PITPNB: variants seen among roughly 807,000 people sequenced by gnomAD.
PITPNB encodes the protein phosphatidylinositol transfer protein beta isoform.
A neutral mutation model predicts 45.9 loss-of-function variants in PITPNB; 16 were observed. The observed-to-expected ratio is 0.35, with a 90% confidence interval of 0.24 to 0.53. PITPNB has a LOEUF of 0.53. Among genes scored for constraint, PITPNB ranks in the 20% least tolerant of loss-of-function variants. The probability of loss-of-function intolerance (pLI) is 0.93; values close to 1 mark genes in which losing one functional copy is unlikely to be tolerated. For missense variants in PITPNB, 188 were observed against 330.5 expected (o/e 0.57, Z 3.34); for synonymous variants, 112 against 108.9 (o/e 1.03, Z -0.18).
chr22:27,860,526 T>C (rs1264293430), intron 8 of PITPNB: 1 of 240,094 alleles, frequency 4.2e-6, no homozygotes, highest in African/African-American at 2.2e-5. Context: ...AATACCAAAT[T>C]CTATTCACAT....
At chr22:27,914,296 G>T in intron 2 of PITPNB, 21 bp downstream of exon 2, 1 of 1,540,498 alleles carries the variant, frequency 6.5e-7, no homozygotes, top group South Asian at 1.1e-5. Flanking sequence ...ATAAAATGAT[G>T]CAGAAGCAAG....
intron 5 of PITPNB, 82 bp from the exon 6 acceptor site, chr22:27,896,708 T>C (rs1367399731): frequency 8.3e-6 from 7 of 842,126 alleles, no homozygotes; most frequent in Admixed American, 1.9e-5. Context: ...TTTCCCAGTA[T>C]AGGCATCCAT....
intron 7 of PITPNB, among the ~76,000 whole-genome samples, chr22:27,884,585 T>C (rs1935063730): frequency 6.6e-6 from 1 of 152,204 alleles, no homozygotes; most frequent in South Asian, 2.1e-4. Context: ...TGAAAAGCCA[T>C]GGTCTTGGCA....
intron 8 of PITPNB, among the ~76,000 whole-genome samples, chr22:27,867,144 A>C (rs146223893): frequency 1.0e-3 from 153 of 152,316 alleles, no homozygotes; most frequent in Admixed American, 5.5e-3. Context: ...AAATACTTAC[A>C]AGCCCCTACT....
intron 2 of PITPNB, 61 bp downstream of exon 2, chr22:27,914,256 G>T: frequency 2.0e-6 from 2 of 997,962 alleles, no homozygotes; most frequent in African/African-American, 1.6e-5. Context: ...TGAGTTTAGA[G>T]TAACATATCA....
intron 4 of PITPNB, among the ~76,000 whole-genome samples, chr22:27,897,542 C>A (rs949119875): frequency 6.6e-6 from 1 of 152,160 alleles, no homozygotes; most frequent in Non-Finnish European, 1.5e-5. Flanking sequence ...AACGACCTTT[C>A]TTTTGGCTTA....
At chr22:27,892,550 T>C (rs1256534251) in intron 7 of PITPNB, among the ~76,000 whole-genome samples, 1 of 152,208 alleles carries the variant, frequency 6.6e-6, no homozygotes, top group African/African-American at 2.4e-5. Flanking sequence ...CTTGGTATTT[T>C]AGTGATGGGC....
chr22:27,878,381 A>C (rs1320968977), intron 7 of PITPNB, among the ~76,000 whole-genome samples: 1 of 152,258 alleles, frequency 6.6e-6, no homozygotes, highest in East Asian at 1.9e-4. Flanking sequence ...CCCATTAAAA[A>C]AAAGTTTACA....
chr22:27,902,578 T>A (rs950561759), intron 3 of PITPNB, among the ~76,000 whole-genome samples: 2 of 152,186 alleles, frequency 1.3e-5, no homozygotes, highest in East Asian at 3.8e-4. Flanking sequence ...AAATAAAAAC[T>A]AAAACTATAA....
rs572225068 is a variant in PITPNB at position 27,890,827 on chromosome 22, A to G, written c.456+3728T>C. On this transcript the variant is annotated intron_variant, in intron 7 of 11. Transcript: ENST00000335272. ...AGACTCTGTCTCAAAAACAAAACAA[A>G]ACAAAAAACAGATGAATGCATGAAC... Among the ~76,000 whole-genome samples, 3 of 152,274 alleles carry G rather than the reference A, an allele frequency of 2.0e-5. No individual in the cohort carries two copies. The South Asian group carries it at 6.2e-4, about 32-fold the overall frequency.
chr22:27,882,941 A>C (rs1175269005), intron 7 of PITPNB, among the ~76,000 whole-genome samples: 1 of 152,274 alleles, frequency 6.6e-6, no homozygotes, highest in Non-Finnish European at 1.5e-5. Context: ...AGTTCCAATA[A>C]ATGTTTATTA....
chr22:27,898,174 G>T, intron 3 of PITPNB: 2 of 351,022 alleles, frequency 5.7e-6, no homozygotes, highest in South Asian at 5.2e-5. Flanking sequence ...CCAGGAGTTT[G>T]AGACTAGCCT....
Position 27,919,183 on chromosome 22 carries a change from C to T in PITPNB, c.9G>A (p.Leu3=). 1 of 1,613,946 alleles carries T rather than the reference C, an allele frequency of 6.2e-7. No individual in the cohort carries two copies. The highest frequency in any genetic ancestry group is 1.7e-5 in the Admixed American group (1 of 60,028). MV[L]IKEFRVVLPC... ...ACAGACCCACTCACAATTCCTTGATCAGCACCATCTTCCCGGAACCCCCTC... is the reference window on the plus strand; with the variant it reads ...ACAGACCCACTCACAATTCCTTGATTAGCACCATCTTCCCGGAACCCCCTC... The change falls in exon 1 of 12, where the codon CTG becomes CTA. Residue 3 remains leucine (L), a synonymous_variant. Transcript: ENST00000335272.
intron 3 of PITPNB, among the ~76,000 whole-genome samples, chr22:27,904,021 G>C (rs981367630): frequency 6.6e-6 from 1 of 152,130 alleles, no homozygotes; most frequent in Non-Finnish European, 1.5e-5. Flanking sequence ...ATACACTGCT[G>C]ATAACATTAT....
chr22:27,885,392 A>G (rs1013223889), intron 7 of PITPNB, among the ~76,000 whole-genome samples: 2 of 152,172 alleles, frequency 1.3e-5, no homozygotes, highest in African/African-American at 4.8e-5. Flanking sequence ...TAGAAATTAA[A>G]AAACTTTAAA....
At chr22:27,872,374 G>A (rs534567176) in intron 8 of PITPNB, among the ~76,000 whole-genome samples, 33 of 149,964 alleles carry the variant, frequency 2.2e-4, no homozygotes, top group Non-Finnish European at 4.1e-4. Context: ...GATTACAGGC[G>A]TGAGCCACTG....
In PITPNB at chr22:27,873,730, T is replaced by G; in HGVS notation, c.534+8A>C. 2 of 1,568,916 alleles carry G rather than the reference T, an allele frequency of 1.3e-6. No homozygotes were observed. Among genetic ancestry groups the G allele is most frequent in the Non-Finnish European group, 8.8e-7 (1 of 1,138,880 alleles). On this transcript the variant is annotated splice_region_variant and intron_variant, in intron 8 of 11. Transcript: ENST00000335272. ...ACTCTGCCTGTCAGAAAGGTCAGCA[T>G]CCAGTACCTTCCAGTTGGGTCCCAA... is the stretch of plus-strand genomic sequence containing the variant.
intron 8 of PITPNB, among the ~76,000 whole-genome samples, chr22:27,864,064 C>T (rs1021033934): frequency 6.6e-6 from 1 of 152,068 alleles, no homozygotes; most frequent in South Asian, 2.1e-4. Context: ...GAGAAGAACA[C>T]GTACCCAACT....
At chr22:27,882,085 A>G (rs1382881244) in intron 7 of PITPNB, among the ~76,000 whole-genome samples, 3 of 152,264 alleles carry the variant, frequency 2.0e-5, no homozygotes, top group African/African-American at 7.2e-5. Flanking sequence ...AAGAAAAGAT[A>G]CACCAAATCC....
Sources: allele counts gnomAD v4.1 joint callset (sites outside exome capture counted in the v4.1 genomes callset), GRCh38; gene constraint gnomAD v4.1.1; transcripts MANE v1.5; gene names NCBI Gene and HGNC (gene_info 2026-07-23, HGNC 2026-07-21).